Variants in NUMB observed in about 807,000 individuals in gnomAD.
NUMB encodes NUMB endocytic adaptor protein.
A neutral mutation model predicts 59.7 loss-of-function variants in NUMB; 29 were observed. The observed-to-expected ratio is 0.49, with a 90% CI of 0.36 to 0.66. The LOEUF (loss-of-function observed/expected upper bound fraction) is 0.66, where lower values mean the gene tolerates loss of function less well. Among genes scored for constraint, NUMB ranks in the 30% least tolerant of loss-of-function variants. The pLI, the probability that NUMB is intolerant of heterozygous loss-of-function variation, is 0.00. For synonymous variants in NUMB, 288 were observed against 288.2 expected (o/e 1.00, Z 0.01); for missense variants, 723 against 822.0 (o/e 0.88, Z 1.47).
At chr14:73,410,837 A>G (rs1896862629) in intron 1 of NUMB, among the ~76,000 whole-genome samples, 1 of 152,240 alleles carries the variant, frequency 6.6e-6, no homozygotes, top group Non-Finnish European at 1.5e-5. Flanking sequence ...ACTAATATTT[A>G]TTAGGTAACC....
intron 1 of NUMB, among the ~76,000 whole-genome samples, chr14:73,441,768 A>G (rs1282790390): frequency 1.3e-5 from 2 of 151,894 alleles, no homozygotes; most frequent in Admixed American, 6.6e-5. Context: ...CCTAGCTACT[A>G]GGGAGGCTGA....
intron 2 of NUMB, among the ~76,000 whole-genome samples, chr14:73,369,972 A>G (rs1029945149): frequency 4.6e-5 from 7 of 152,236 alleles, no homozygotes; most frequent in Non-Finnish European, 8.8e-5. Flanking sequence ...ATTAAAAAGA[A>G]TCATACAATA....
intron 4 of NUMB, among the ~76,000 whole-genome samples, chr14:73,352,530 G>T (rs1355685104): frequency 0.2 from 4,011 of 20,224 alleles, 810 homozygotes; most frequent in Non-Finnish European, 0.27. Context: ...ATATATATAT[G>T]TTTTTTTTTT....
In NUMB at chr14:73,351,308, C is replaced by T. The variant is rs960583374; in HGVS notation, c.126+4318G>A. On this transcript the variant is annotated intron_variant, in intron 4 of 12. Transcript: ENST00000555238. ...CCAACATGGTGAAACCCTGTCTCTA[C>T]TAAAAATACAAAAATTAGCTGGGCA... 2.0e-5 allele frequency among the ~76,000 whole-genome samples: 3 copies of T among 152,020 alleles called. No individual in the cohort carries two copies. In the East Asian group the frequency reaches 5.8e-4, roughly 30 times the overall value.
chr14:73,454,637 G>A (rs1884221737), intron 1 of NUMB, among the ~76,000 whole-genome samples: 1 of 152,120 alleles, frequency 6.6e-6, no homozygotes, highest in Non-Finnish European at 1.5e-5. Context: ...ACTTCAGTAT[G>A]TGAAACTGAG....
intron 1 of NUMB, chr14:73,457,848 A>G (rs1884509070): frequency 6.6e-6 from 1 of 152,546 alleles, no homozygotes; most frequent in Non-Finnish European, 1.5e-5. Context: ...TCCCTTGGAC[A>G]GCCGCTTTTC....
chr14:73,277,321 G>A (rs770947797), intron 12 of NUMB, 28 bp from the exon 13 acceptor site: 21 of 1,522,674 alleles, frequency 1.4e-5, no homozygotes, highest in Non-Finnish European at 1.6e-5. Flanking sequence ...AGAGACAAAA[G>A]AATCAGTTAG....
chr14:73,413,415 A>C (rs911987290), intron 1 of NUMB, among the ~76,000 whole-genome samples: 1 of 151,978 alleles, frequency 6.6e-6, no homozygotes, highest in Non-Finnish European at 1.5e-5. Flanking sequence ...TTTAAAAATC[A>C]GATTTTACCA....
intron 1 of NUMB, among the ~76,000 whole-genome samples, chr14:73,431,315 G>C (rs1197872171): frequency 6.6e-6 from 1 of 150,872 alleles, no homozygotes; most frequent in Non-Finnish European, 1.5e-5. Context: ...GAGGGCACTG[G>C]CGCGATCTCG....
At chr14:73,362,147 C>G (rs1289447825) in intron 3 of NUMB, among the ~76,000 whole-genome samples, 1 of 151,616 alleles carries the variant, frequency 6.6e-6, no homozygotes, top group Non-Finnish European at 1.5e-5. Flanking sequence ...GTCCCAGCTA[C>G]TTGGGGGGCT....
At chr14:73,366,775 T>C (rs996094628) in intron 3 of NUMB, 122 bp downstream of exon 3, 1 of 152,202 alleles carries the variant, frequency 6.6e-6, no homozygotes, top group Non-Finnish European at 1.5e-5. Context: ...ATTAAAAATA[T>C]TATCAGTAAT....
chr14:73,309,718 T>TATAATAACA (rs1890661140), intron 6 of NUMB, among the ~76,000 whole-genome samples: 3 of 137,232 alleles, frequency 2.2e-5, no homozygotes, highest in Non-Finnish European at 4.6e-5. Flanking sequence ...GAACTTAAGG[T>TATAATAACA]ATAATAATAA....
chr14:73,455,084 T>C (rs1458532959), intron 1 of NUMB, among the ~76,000 whole-genome samples: 1 of 152,166 alleles, frequency 6.6e-6, no homozygotes, highest in Non-Finnish European at 1.5e-5. Context: ...GTTATATGCC[T>C]TGCAGTCTTC....
At chr14:73,364,428 T>C (rs1894237617) in intron 3 of NUMB, among the ~76,000 whole-genome samples, 1 of 152,018 alleles carries the variant, frequency 6.6e-6, no homozygotes, top group African/African-American at 2.4e-5. Context: ...CACTTGAACC[T>C]GGGAAGCTGA....
intron 9 of NUMB, among the ~76,000 whole-genome samples, chr14:73,285,755 A>G (rs1003908929): frequency 5.9e-5 from 9 of 151,984 alleles, no homozygotes; most frequent in Non-Finnish European, 7.4e-5. Flanking sequence ...GCGAAAGTCC[A>G]TCTCTACTAA....
intron 2 of NUMB, among the ~76,000 whole-genome samples, chr14:73,400,665 G>A (rs534466192): frequency 6.6e-6 from 1 of 152,312 alleles, no homozygotes; most frequent in East Asian, 1.9e-4. Flanking sequence ...AACCTCCAGA[G>A]AGGGAAGAGG....
intron 4 of NUMB, among the ~76,000 whole-genome samples, chr14:73,338,534 G>A (rs971069497): frequency 1.3e-5 from 2 of 152,172 alleles, no homozygotes; most frequent in Non-Finnish European, 2.9e-5. Context: ...CAGCACAGGA[G>A]CCAGAATGAT....
At chr14:73,396,338 GTGT>G (rs906426242) in intron 2 of NUMB, among the ~76,000 whole-genome samples, 1 of 145,796 alleles carries the variant, frequency 6.9e-6, no homozygotes, top group Non-Finnish European at 1.5e-5. Context: ...GTGTGTGTGT[GTGT>G]GTGTGTGTGT....
intron 5 of NUMB, among the ~76,000 whole-genome samples, chr14:73,321,221 G>A (rs1382604331): frequency 6.6e-6 from 1 of 152,046 alleles, no homozygotes; most frequent in East Asian, 1.9e-4. Context: ...ACTTTCTAAA[G>A]GCTCATTCCA....
Sources: gnomAD v4.1 joint callset for allele counts (sites outside exome capture counted in the v4.1 genomes callset) on GRCh38, gnomAD v4.1.1 for gene constraint, MANE v1.5 for transcripts, NCBI Gene and HGNC (gene_info 2026-07-23, HGNC 2026-07-21) for gene names.